Variants in FTO observed in about 807,000 individuals in gnomAD.
FTO encodes the protein alpha-ketoglutarate-dependent dioxygenase FTO.
Under a neutral mutation model 63.9 loss-of-function variants are expected in FTO, and 47 were observed. The ratio of observed to expected loss-of-function variants is 0.74; its 90% confidence interval spans 0.58 to 0.94. FTO has a LOEUF of 0.94. Ranked by LOEUF, FTO falls within the 40% of genes least tolerant of loss-of-function variation. FTO has a pLI of 0.00. For synonymous variants in FTO, 207 were observed against 224.4 expected, an observed-to-expected ratio of 0.92 and a Z score of 0.69; for missense variants, 562 against 618.1, an observed-to-expected ratio of 0.91 and a Z score of 0.96.
chr16:53,967,739 G>A lies in FTO; in HGVS notation c.1364+33630G>A, dbSNP rs1165406720. Among the ~76,000 whole-genome samples the A allele has an allele frequency of 2.6e-5, 4 of 152,166 alleles. No homozygotes were observed. In the South Asian group the frequency reaches 6.2e-4, roughly 24 times the overall value. On this transcript the variant is annotated intron_variant, in intron 8 of 8. Coordinates refer to ENST00000471389, the MANE Select transcript of FTO (RefSeq NM_001080432.3). ...CACTAAAAAGGCAGAAAGACTAAAC[G>A]AAGTAAAACAGTTTTAATTTTTAAC... is the stretch of plus-strand genomic sequence containing the variant.
chr16:53,729,467 C>T (rs571303865), intron 1 of FTO, among the ~76,000 whole-genome samples: 2 of 138,918 alleles, frequency 1.4e-5, no homozygotes, highest in African/African-American at 2.7e-5. Flanking sequence ...CTCGCCACTG[C>T]ACTCCAGCCT....
At chr16:53,882,720 G>A (rs1455575906) in intron 6 of FTO, among the ~76,000 whole-genome samples, 1 of 152,196 alleles carries the variant, frequency 6.6e-6, no homozygotes, top group Non-Finnish European at 1.5e-5. Flanking sequence ...TTTTTACTCT[G>A]CAGGAAATGG....
intron 8 of FTO, among the ~76,000 whole-genome samples, chr16:54,064,797 G>A (rs1208110343): frequency 6.6e-6 from 1 of 152,150 alleles, no homozygotes; most frequent in Non-Finnish European, 1.5e-5. Context: ...AAAAGAGGGT[G>A]AGCCCCTTGC....
intron 8 of FTO, among the ~76,000 whole-genome samples, chr16:54,009,275 T>G (rs1292735266): frequency 6.6e-6 from 1 of 152,108 alleles, no homozygotes; most frequent in Admixed American, 6.6e-5. Flanking sequence ...TAGTAATAGA[T>G]GAATTTGGAT....
intron 8 of FTO, among the ~76,000 whole-genome samples, chr16:54,060,898 T>TA (rs1331236438): frequency 6.6e-6 from 1 of 152,168 alleles, no homozygotes; most frequent in African/African-American, 2.4e-5. Context: ...AAATCATCTA[T>TA]AAAAAATACT....
chr16:53,709,962 A>G (rs1014908452), intron 1 of FTO, among the ~76,000 whole-genome samples: 1 of 152,136 alleles, frequency 6.6e-6, no homozygotes, highest in African/African-American at 2.4e-5. Context: ...TCCAAAGTCC[A>G]TATTCAAATT....
intron 8 of FTO, among the ~76,000 whole-genome samples, chr16:54,064,750 G>A (rs561548878): frequency 1.3e-5 from 2 of 152,188 alleles, no homozygotes; most frequent in East Asian, 3.9e-4. Flanking sequence ...ATCTCCCGGT[G>A]CACACCTGAT....
intron 8 of FTO, among the ~76,000 whole-genome samples, chr16:53,960,065 G>A (rs1428486228): frequency 1.3e-5 from 2 of 152,152 alleles, no homozygotes; most frequent in Non-Finnish European, 2.9e-5. Context: ...TTTTGAACCT[G>A]TCAGGGACAC....
intron 8 of FTO, among the ~76,000 whole-genome samples, chr16:54,099,585 G>A (rs2086589953): frequency 6.6e-6 from 1 of 152,148 alleles, no homozygotes; most frequent in African/African-American, 2.4e-5. Flanking sequence ...AGAGATCAAA[G>A]GTCAGCAGCT....
intron 1 of FTO, chr16:53,711,570 G>A (rs2075778730): frequency 2.5e-6 from 1 of 397,072 alleles, no homozygotes; most frequent in South Asian, 1.3e-4. Flanking sequence ...TCTGTTTAAA[G>A]GTGTATCCTT....
At chr16:53,730,798 A>G (rs1009997875) in intron 1 of FTO, among the ~76,000 whole-genome samples, 2 of 152,134 alleles carry the variant, frequency 1.3e-5, no homozygotes, top group Non-Finnish European at 2.9e-5. Context: ...AGCCCAGCCT[A>G]TTAGAAGCAA....
chr16:54,063,916 C>T (rs2085654339), intron 8 of FTO: 1 of 151,926 alleles, frequency 6.6e-6, no homozygotes, highest in African/African-American at 2.4e-5. Flanking sequence ...ACTCATCTGT[C>T]AAGCCCTTCT....
intron 8 of FTO, among the ~76,000 whole-genome samples, chr16:54,038,298 A>C (rs548229062): frequency 2.2e-4 from 33 of 152,326 alleles, no homozygotes; most frequent in Admixed American, 4.6e-4. Flanking sequence ...CAGAACTGGC[A>C]GTGGAAGCAT....
intron 3 of FTO, among the ~76,000 whole-genome samples, chr16:53,843,636 A>G (rs114125731): frequency 0.018 from 2,756 of 152,236 alleles, 100 homozygotes; most frequent in African/African-American, 0.063. Context: ...CATGTGTATT[A>G]TAGAAACAGC....
At chr16:53,967,264 T>C (rs2083217299) in intron 8 of FTO, among the ~76,000 whole-genome samples, 1 of 152,066 alleles carries the variant, frequency 6.6e-6, no homozygotes, top group Non-Finnish European at 1.5e-5. Context: ...TTTCTTTCTG[T>C]GTGACCAGGA....
At chr16:53,916,699 A>T (rs1598984701) in intron 7 of FTO, among the ~76,000 whole-genome samples, 1 of 152,302 alleles carries the variant, frequency 6.6e-6, no homozygotes, top group East Asian at 1.9e-4. Context: ...AAACTTAAGG[A>T]CTTGTGTGAT....
Position 53,873,866 on chromosome 16 carries a change from G to GT in FTO, c.975+2dup. 6.2e-7 allele frequency: 1 copy of GT among 1,609,822 alleles called. No individual in the cohort carries two copies. Among genetic ancestry groups the GT allele is most frequent in the South Asian group, 1.1e-5 (1 of 91,016 alleles). On this transcript the variant is annotated splice_donor_variant, in intron 5 of 8. Transcript: ENST00000471389. LOFTEE classifies it high-confidence loss of function. The stretch of plus-strand genomic sequence containing the variant: ...TAGTTCCACCCACCGAGTGGCAGAG[G>GT]TAAGTGTAAATAAAAATGTGATTCA...
chr16:54,005,084 A>G (rs55807035), intron 8 of FTO, among the ~76,000 whole-genome samples: 5,236 of 149,278 alleles, frequency 0.035, 338 homozygotes, highest in African/African-American at 0.12. Flanking sequence ...AAAAAAAAAA[A>G]AAAAAGAAAC....
rs1018428680 is a variant in FTO at position 53,720,645 on chromosome 16, T to A, written c.45+16416T>A. Among the ~76,000 whole-genome samples the A allele has an allele frequency of 2.7e-5, 4 of 147,406 alleles. No individual in the cohort carries two copies. In the South Asian group the frequency reaches 8.4e-4, roughly 31 times the overall value. On this transcript the variant is annotated intron_variant, in intron 1 of 8. Coordinates refer to ENST00000471389, the MANE Select transcript of FTO (RefSeq NM_001080432.3). Reference sequence around the variant, plus strand: ...ATATATATCTTTTATATATATAAAATATATATATATCTTTTATATATATAT... The same window carrying A: ...ATATATATCTTTTATATATATAAAAAATATATATATCTTTTATATATATAT...
Sources: allele counts gnomAD v4.1 joint callset (sites outside exome capture counted in the v4.1 genomes callset), GRCh38; gene constraint gnomAD v4.1.1; transcripts MANE v1.5; gene names NCBI Gene and HGNC (gene_info 2026-07-23, HGNC 2026-07-21).